IST1: variants seen among roughly 807,000 people sequenced by gnomAD.
IST1 encodes IST1 homolog.
A neutral mutation model predicts 37.0 loss-of-function variants in IST1; 23 were observed. The observed-to-expected ratio is 0.62, with a 90% confidence interval of 0.45 to 0.88. IST1 has a LOEUF of 0.88. Among genes scored for constraint, IST1 ranks in the 40% least tolerant of loss-of-function variants. The pLI is 0.00. For missense variants in IST1, 488 were observed against 445.4 expected, an observed-to-expected ratio of 1.10 and a Z score of -0.86; for synonymous variants, 180 against 161.7, an observed-to-expected ratio of 1.11 and a Z score of -0.86.
intron 1 of IST1, among the ~76,000 whole-genome samples, chr16:71,895,956 C>T (rs13332180): frequency 0.33 from 50,967 of 152,164 alleles, 9,172 homozygotes; most frequent in East Asian, 0.65. Context: ...CACCCCTACC[C>T]CGTCTTTTCT....
rs779496419 is a variant in IST1 at position 71,922,503 on chromosome 16, T to C, written c.582T>C (p.Asp194=). The C allele has an allele frequency of 2.5e-6, 4 of 1,614,150 alleles. No individual in the cohort carries two copies. The highest frequency in any genetic ancestry group is 3.4e-6 in the Non-Finnish European group (4 of 1,180,032). ...AAGCTCCTCCTGGGGTAGAGACAGA[T>C]CTTATTGATGTTGGATTCACAGATG... The part of the protein sequence containing the change: ...MAEAPPGVET[D]LIDVGFTDDV... The change falls in exon 7 of 10, where the codon GAT becomes GAC. Residue 194 remains aspartate, a synonymous_variant. Coordinates refer to ENST00000378799, the MANE Select transcript of IST1 (RefSeq NM_001270975.2).
chr16:71,910,702 C>CCT (rs1364118123), intron 1 of IST1, among the ~76,000 whole-genome samples: 1 of 151,974 alleles, frequency 6.6e-6, no homozygotes, highest in Non-Finnish European at 1.5e-5. Flanking sequence ...GAAACGTAAC[C>CCT]CTTGGATAAG....
chr16:71,915,114 G>GA (rs1199050329), intron 1 of IST1, among the ~76,000 whole-genome samples: 1 of 152,140 alleles, frequency 6.6e-6, no homozygotes, highest in Non-Finnish European at 1.5e-5. Context: ...CAAAAACTGA[G>GA]ACTTGTTGGC....
At chr16:71,922,830 A>G (rs758549429) in intron 7 of IST1, 150 bp downstream of exon 7, 15 of 664,268 alleles carry the variant, frequency 2.3e-5, no homozygotes, top group Admixed American at 7.8e-5. Context: ...TGGGGAAAAA[A>G]CACATTGGAT....
intron 8 of IST1, 109 bp downstream of exon 8, chr16:71,923,489 C>G: frequency 1.6e-6 from 1 of 607,066 alleles, no homozygotes; most frequent in South Asian, 2.4e-5. Flanking sequence ...CTAGTACTGT[C>G]ATCATTTTTG....
Position 71,909,095 on chromosome 16 carries a change from C to CTTTTTT in IST1, c.-15-6516_-15-6511dup, listed in dbSNP as rs34086105. 1.1e-3 allele frequency among the ~76,000 whole-genome samples: 117 copies of CTTTTTT among 102,928 alleles called. 1 individual carries two copies. The highest frequency in any genetic ancestry group is 6.0e-3 in the Middle Eastern group (1 of 168). The allele number at this position is 102,928 out of a possible 152,430, so 67.5% of individuals were successfully genotyped here. A position where few individuals can be genotyped will look rare whatever the true frequency, so the allele number is the denominator to read the frequency against. On this transcript the variant is annotated intron_variant, in intron 1 of 9. Transcript: ENST00000378799. The stretch of plus-strand genomic sequence containing the variant: ...CATGTTTTTGTCAAATTTTGTTTGT[C>CTTTTTT]TTTTTTTTTTTTTTTTTTTTGGATA...
chr16:71,920,728 TTTC>T lies in IST1; in HGVS notation c.358-8_358-6del. 1.2e-6 allele frequency: 2 copies of T among 1,609,506 alleles called. No homozygotes were observed. Among genetic ancestry groups the T allele is most frequent in the Non-Finnish European group, 1.7e-6 (2 of 1,175,860 alleles). On this transcript the variant is annotated splice_polypyrimidine_tract_variant and splice_region_variant and intron_variant, in intron 4 of 9. Coordinates refer to ENST00000378799, the MANE Select transcript of IST1 (RefSeq NM_001270975.2). ...GTCTCTATTTTTATTTGCTGTCCTTTTTCTTTTTAGGTTGCTGATCAGCTCTGT... is the reference window on the plus strand; with the variant it reads ...GTCTCTATTTTTATTTGCTGTCCTTTTTTTTAGGTTGCTGATCAGCTCTGT...
At chr16:71,923,637 G>T in intron 8 of IST1, 1 of 337,484 alleles carries the variant, frequency 3.0e-6, no homozygotes, top group Middle Eastern at 8.3e-4. Flanking sequence ...TTAGAAAGTT[G>T]TAGTGCTCTA....
At chr16:71,917,637 T>C (rs1158372644) in intron 4 of IST1, among the ~76,000 whole-genome samples, 1 of 152,236 alleles carries the variant, frequency 6.6e-6, no homozygotes, top group Admixed American at 6.5e-5. Flanking sequence ...GATATGGTAC[T>C]GACTCCTAGG....
intron 8 of IST1, chr16:71,923,602 G>A (rs1160408896): frequency 2.6e-6 from 1 of 388,854 alleles, no homozygotes; most frequent in Non-Finnish European, 4.7e-6. Flanking sequence ...ATTAAGCCAG[G>A]AATCAGGAAG....
In IST1 at chr16:71,923,283, TAC is replaced by T; in HGVS notation, c.760-3_760-2del. ...GTCTCTGATGTTGCCTTTCTCCTCT[TAC>T]AGTCAGATTTCAATGGACTGCCAAT... On this transcript the variant is annotated splice_polypyrimidine_tract_variant and splice_region_variant and intron_variant, in intron 7 of 9. Transcript: ENST00000378799. 1.9e-6 allele frequency: 3 copies of T among 1,595,824 alleles called. No individual in the cohort carries two copies. Among genetic ancestry groups the T allele is most frequent in the Non-Finnish European group, 2.6e-6 (3 of 1,164,788 alleles).
chr16:71,919,672 A>G (rs2037537200), intron 4 of IST1, among the ~76,000 whole-genome samples: 2 of 152,210 alleles, frequency 1.3e-5, no homozygotes, highest in South Asian at 4.1e-4. Context: ...GATTACAGGC[A>G]TGAGCCACGA....
intron 1 of IST1, chr16:71,903,236 C>T: frequency 6.6e-6 from 1 of 152,232 alleles, no homozygotes; most frequent in South Asian, 2.1e-4. Flanking sequence ...TCCCCTTGGC[C>T]TCCCAAAGTG....
At chr16:71,916,374 C>A in intron 2 of IST1, 88 bp from the exon 3 acceptor site, 2 of 1,279,502 alleles carry the variant, frequency 1.6e-6, no homozygotes, top group East Asian at 4.7e-5. Flanking sequence ...GTAGAAACAC[C>A]CAGTTCTTCC....
intron 1 of IST1, among the ~76,000 whole-genome samples, chr16:71,911,436 G>C (rs1050946168): frequency 2.6e-5 from 4 of 152,006 alleles, no homozygotes; most frequent in Non-Finnish European, 5.9e-5. Flanking sequence ...CGGAGGCTGA[G>C]GCAAGAGAAT....
In IST1 at chr16:71,928,039, G is replaced by T. The variant is rs1597262598; in HGVS notation, c.*226G>T. 2.0e-5 allele frequency: 10 copies of T among 512,286 alleles called. No individual in the cohort carries two copies. In the East Asian group the frequency reaches 3.6e-4, roughly 19 times the overall value. 31.7% of individuals were successfully genotyped at this position (512,286 alleles called of 1,614,324 possible). A position where few individuals can be genotyped will look rare whatever the true frequency, so the allele number is the denominator to read the frequency against. On this transcript the variant is annotated 3_prime_UTR_variant, in exon 10 of 10. Coordinates refer to ENST00000378799, the MANE Select transcript of IST1 (RefSeq NM_001270975.2). The stretch of plus-strand genomic sequence containing the variant: ...AGGCCAGAGCAACTGGCTCCTGGCA[G>T]CTGTGCTTGTCCGTTTCCTGTCAGA...
chr16:71,908,987 ACATCT>A (rs1037691110), intron 1 of IST1, among the ~76,000 whole-genome samples: 1 of 151,830 alleles, frequency 6.6e-6, no homozygotes, highest in African/African-American at 2.4e-5. Context: ...CCTGTTCCTT[ACATCT>A]TTTGTTTCTA....
chr16:71,916,243 C>G (rs983047204), intron 2 of IST1, among the ~76,000 whole-genome samples: 10 of 152,168 alleles, frequency 6.6e-5, no homozygotes, highest in Admixed American at 3.3e-4. Context: ...ATTAGGTCAC[C>G]TGACTCTTGA....
chr16:71,930,504 G>A lies in IST1; in HGVS notation c.*2691G>A, dbSNP rs2037907200. 1.5e-5 allele frequency: 3 copies of A among 196,012 alleles called. No homozygotes were observed. Among genetic ancestry groups the A allele is most frequent in the East Asian group, 1.2e-4 (1 of 8,488 alleles). The allele number at this position is 196,012 out of a possible 1,614,324, so 12.1% of individuals were successfully genotyped here. On this transcript the variant is annotated 3_prime_UTR_variant, in exon 10 of 10. Transcript: ENST00000378799. Reference sequence around the variant, plus strand: ...CATCTAATCATGGAAGCTAAAAGTGGGAGGGGGGTAAGCAAACACTGAAAG... The same window carrying A: ...CATCTAATCATGGAAGCTAAAAGTGAGAGGGGGGTAAGCAAACACTGAAAG...
Sources: allele counts gnomAD v4.1 joint callset (sites outside exome capture counted in the v4.1 genomes callset), GRCh38; gene constraint gnomAD v4.1.1; transcripts MANE v1.5; gene names NCBI Gene and HGNC (gene_info 2026-07-23, HGNC 2026-07-21).